The following MYOM1 variants were observed in gnomAD, a reference collection of about 807,000 sequenced individuals.
MYOM1 encodes myomesin 1.
MYOM1 carries 164 observed loss-of-function variants against 205.3 expected under a neutral mutation model. That is an observed-to-expected ratio of 0.80 (90% confidence interval 0.70 to 0.91). The LOEUF (loss-of-function observed/expected upper bound fraction) is 0.91, where lower values mean the gene tolerates loss of function less well. Ranked by LOEUF, MYOM1 falls within the 40% of genes least tolerant of loss-of-function variation. MYOM1 has a pLI of 0.00. For synonymous variants in MYOM1, 772 were observed against 789.4 expected, an observed-to-expected ratio of 0.98 and a Z score of 0.37; for missense variants, 2,011 against 2,127.3, an observed-to-expected ratio of 0.95 and a Z score of 1.08.
intron 14 of MYOM1, 126 bp downstream of exon 14, chr18:3,141,813 A>C: frequency 1.7e-6 from 2 of 1,180,428 alleles, no homozygotes; most frequent in Non-Finnish European, 2.4e-6. Context: ...GTTGATAACA[A>C]TCTAGTGAGA....
intron 3 of MYOM1, among the ~76,000 whole-genome samples, chr18:3,190,948 T>G (rs917036845): frequency 6.6e-6 from 1 of 152,180 alleles, no homozygotes; most frequent in Non-Finnish European, 1.5e-5. Context: ...TCTCCTTGCC[T>G]TTTCCATTTA....
chr18:3,108,918 T>C (rs1203279408), intron 22 of MYOM1, among the ~76,000 whole-genome samples: 4 of 152,042 alleles, frequency 2.6e-5, no homozygotes, highest in South Asian at 2.1e-4. Context: ...CTTGGTACAA[T>C]ATCACAGAAA....
chr18:3,108,275 G>A (rs1215042662), intron 22 of MYOM1, among the ~76,000 whole-genome samples: 2 of 152,196 alleles, frequency 1.3e-5, no homozygotes, highest in Non-Finnish European at 2.9e-5. Context: ...AGTGGGAAGG[G>A]AGAACCTAAT....
the MYOM1 span, among the ~76,000 whole-genome samples, chr18:3,243,342 A>G: frequency 4.6e-5 from 7 of 152,358 alleles, no homozygotes; most frequent in South Asian, 4.1e-4. Flanking sequence ...CATGTCCCTT[A>G]ACATTCAATA....
chr18:3,137,037 G>A (rs535442182), intron 14 of MYOM1, among the ~76,000 whole-genome samples: 247 of 150,570 alleles, frequency 1.6e-3, no homozygotes, highest in African/African-American at 5.3e-3. Context: ...TGCAAGCTCC[G>A]CCTCCTGGGT....
At position 3,206,388 on chromosome 18, in the gene MYOM1, C is replaced by A. The variant is rs2081123647; in HGVS notation, c.290+8546G>T. ...GCCATGTTTTTAAACTGTGGGTCAG[C>A]TTTTTCTGGGCCTCTTCTGGGCTGT... On this transcript the variant is annotated intron_variant, in intron 2 of 37. Transcript: ENST00000356443. 2.0e-5 allele frequency among the ~76,000 whole-genome samples: 3 copies of A among 152,152 alleles called. No homozygotes were observed. In the South Asian group the frequency reaches 6.2e-4, roughly 32 times the overall value.
chr18:3,218,605 T>C (rs1433419168), intron 1 of MYOM1, among the ~76,000 whole-genome samples: 1 of 152,194 alleles, frequency 6.6e-6, no homozygotes, highest in Non-Finnish European at 1.5e-5. Context: ...TAGATGAATT[T>C]TGATAAAACA....
At chr18:3,112,059 C>T (rs1327870322) in intron 22 of MYOM1, among the ~76,000 whole-genome samples, 2 of 152,088 alleles carry the variant, frequency 1.3e-5, no homozygotes, top group East Asian at 1.9e-4. Context: ...CAAGAACTTC[C>T]GGGTTTTTAG....
At chr18:3,230,769 G>A in the MYOM1 span, among the ~76,000 whole-genome samples, 30 of 152,270 alleles carry the variant, frequency 2.0e-4, no homozygotes, top group Middle Eastern at 6.8e-3. Context: ...ACTTACTTGG[G>A]CCGCTCCCAC....
At chr18:3,233,988 C>T in the MYOM1 span, among the ~76,000 whole-genome samples, 1 of 152,328 alleles carries the variant, frequency 6.6e-6, no homozygotes, top group East Asian at 1.9e-4. Context: ...TGAAGTTATA[C>T]AGACATGCGT....
chr18:3,127,916 T>C (rs532798808), intron 18 of MYOM1, among the ~76,000 whole-genome samples: 2 of 152,350 alleles, frequency 1.3e-5, no homozygotes, highest in Non-Finnish European at 2.9e-5. Context: ...ATCTGGAGGA[T>C]ATTTCAAAAG....
chr18:3,126,813 A>G lies in MYOM1; in HGVS notation c.2879T>C (p.Ile960Thr), dbSNP rs1071600. 255,665 of 1,612,564 alleles carry G rather than the reference A, an allele frequency of 0.16. 23,059 individuals carry two copies. The highest frequency in any genetic ancestry group is 0.32 in the East Asian group (14,447 of 44,796). ...ATAGCCAGTAATTTCTGCCCCTCCAATCTTATCTGGTTGCTTCCATCCAAG... is the reference window on the plus strand; with the variant it reads ...ATAGCCAGTAATTTCTGCCCCTCCAGTCTTATCTGGTTGCTTCCATCCAAG... Reference protein sequence around the residue: ...MVLGWKQPDKIGGAEITGYYV... With the variant: ...MVLGWKQPDKTGGAEITGYYV... The change falls in exon 19 of 38, where the codon ATT (isoleucine) becomes ACT (threonine). Residue 960 changes from isoleucine to threonine, a missense_variant. Ile to Thr is a moderately conservative substitution (Grantham distance 89). Transcript: ENST00000356443.
intron 33 of MYOM1, among the ~76,000 whole-genome samples, chr18:3,081,004 C>T (rs1257587623): frequency 3.3e-5 from 5 of 151,906 alleles, no homozygotes; most frequent in African/African-American, 7.3e-5. Context: ...TGGTGGCACA[C>T]GCTTGTAATC....
rs151135684 is a variant in MYOM1, at chr18:3,105,477, T to C, written c.3419-2847A>G. 5.1e-3 allele frequency among the ~76,000 whole-genome samples: 778 copies of C among 152,320 alleles called. 5 individuals are homozygous for C. Among genetic ancestry groups the C allele is most frequent in the African/African-American group, 0.018 (745 of 41,568 alleles). ...CTTTAGCGGTAAACCCTCAGGCAAA[T>C]GGAACAAATGGTCATCTAAAACAAT... On this transcript the variant is annotated intron_variant, in intron 22 of 37. Coordinates refer to ENST00000356443, the MANE Select transcript of MYOM1 (RefSeq NM_003803.4).
At chr18:3,224,307 C>T (rs1458538178), upstream of MYOM1, among the ~76,000 whole-genome samples, 2 of 152,188 alleles carry the variant, frequency 1.3e-5, no homozygotes, top group African/African-American at 2.4e-5. Context: ...CAGGCATGAG[C>T]TACTGCACCC....
rs748811898 is a variant in MYOM1 at position 3,158,862 on chromosome 18, C to T, written c.1502-3774G>A. ...CTCCTGGGCTCAAGTGATCCTCCCA[C>T]CTGGGCCTCCCAAAGTGCTGGGATT... On this transcript the variant is annotated intron_variant, in intron 10 of 37. Transcript: ENST00000356443. Among the ~76,000 whole-genome samples, 8 of 152,312 alleles carry T rather than the reference C, an allele frequency of 5.3e-5. No individual in the cohort carries two copies. In the East Asian group the frequency reaches 1.4e-3, roughly 26 times the overall value.
At chr18:3,110,969 T>G (rs1378214576) in intron 22 of MYOM1, among the ~76,000 whole-genome samples, 2 of 144,582 alleles carry the variant, frequency 1.4e-5, no homozygotes, top group Non-Finnish European at 3.0e-5. Context: ...TTTCTTTTTT[T>G]GGGATGGAGT....
the MYOM1 span, among the ~76,000 whole-genome samples, chr18:3,228,912 A>G: frequency 6.6e-6 from 1 of 152,340 alleles, no homozygotes; most frequent in South Asian, 2.1e-4. The surrounding 1 kb of genome is among the most constrained non-coding windows in gnomAD (Gnocchi z 4.5). Flanking sequence ...TTTCATCTGG[A>G]TACTGGATGC....
the MYOM1 span, among the ~76,000 whole-genome samples, chr18:3,234,402 G>A: frequency 6.6e-6 from 1 of 152,198 alleles, no homozygotes; most frequent in Non-Finnish European, 1.5e-5. Flanking sequence ...TGTGGGAGCT[G>A]TCCCAAAAGC....
Sources: gnomAD v4.1 joint callset for allele counts (sites outside exome capture counted in the v4.1 genomes callset) on GRCh38, gnomAD v4.1.1 for gene constraint, Gnocchi (gnomAD v3.1) non-coding constraint, MANE v1.5 for transcripts, NCBI Gene and HGNC (gene_info 2026-07-23, HGNC 2026-07-21) for gene names.